IFT25: variants seen among roughly 807,000 people sequenced by gnomAD.
IFT25 encodes intraflagellar transport protein 25 homolog.
chr1:53,916,776 C>T, the IFT25 span: 1 of 389,972 alleles, frequency 2.6e-6, no homozygotes, highest in Non-Finnish European at 4.5e-6. Context: ...AATGACTACT[C>T]ACCTTCACAT....
the IFT25 span, among the ~76,000 whole-genome samples, chr1:53,924,172 A>C: frequency 6.6e-6 from 1 of 152,322 alleles, no homozygotes; most frequent in Non-Finnish European, 1.5e-5. Context: ...GTATAAGCAA[A>C]AGGAAATGCA....
the IFT25 span, among the ~76,000 whole-genome samples, chr1:53,938,314 A>G: frequency 6.6e-6 from 1 of 152,252 alleles, no homozygotes; most frequent in African/African-American, 2.4e-5. Flanking sequence ...TTTGACTCAT[A>G]GAAATAGTCT....
chr1:53,932,270 G>A, the IFT25 span, among the ~76,000 whole-genome samples: 1 of 151,256 alleles, frequency 6.6e-6, no homozygotes, highest in African/African-American at 2.4e-5. Flanking sequence ...GGAGGCAGAA[G>A]TTGCCATGAG....
chr1:53,921,537 A>G, the IFT25 span: 1 of 708,268 alleles, frequency 1.4e-6, no homozygotes, highest in Non-Finnish European at 2.5e-6. Flanking sequence ...TATTGAAAAG[A>G]ATGTAAATAA....
chr1:53,944,503 G>A, the IFT25 span, among the ~76,000 whole-genome samples: 4 of 152,180 alleles, frequency 2.6e-5, no homozygotes, highest in African/African-American at 4.8e-5. Context: ...AAATTAGCTG[G>A]GTGTGGTGGC....
chr1:53,915,609 T>C, the IFT25 span, among the ~76,000 whole-genome samples: 1 of 152,186 alleles, frequency 6.6e-6, no homozygotes, highest in Non-Finnish European at 1.5e-5. Flanking sequence ...AGATTTAATG[T>C]GTTTGTCTTG....
At chr1:53,926,504 CCAT>C in the IFT25 span, among the ~76,000 whole-genome samples, 8 of 152,168 alleles carry the variant, frequency 5.3e-5, no homozygotes, top group Admixed American at 3.9e-4. Context: ...CATAATACCA[CCAT>C]CATAACATTA....
chr1:53,913,221 C>CCG, the IFT25 span, among the ~76,000 whole-genome samples: 2 of 152,196 alleles, frequency 1.3e-5, no homozygotes, highest in Non-Finnish European at 2.9e-5. Context: ...GTCTACTTCT[C>CCG]CGGTGCCAGT....
the IFT25 span, among the ~76,000 whole-genome samples, chr1:53,924,972 G>C: frequency 6.6e-6 from 1 of 152,248 alleles, no homozygotes; most frequent in Admixed American, 6.5e-5. Flanking sequence ...ACCCTTTTCT[G>C]AAATAATGAA....
At chr1:53,942,342 C>T in the IFT25 span, among the ~76,000 whole-genome samples, 1 of 152,060 alleles carries the variant, frequency 6.6e-6, no homozygotes, top group Non-Finnish European at 1.5e-5. Flanking sequence ...GCTAAAAATG[C>T]GTTTAACATT....
the IFT25 span, among the ~76,000 whole-genome samples, chr1:53,925,947 C>T: frequency 6.6e-6 from 1 of 151,222 alleles, no homozygotes; most frequent in Admixed American, 6.6e-5. Flanking sequence ...ACCAAAAATA[C>T]AAAAATTAGC....
At chr1:53,918,933 G>A in the IFT25 span, among the ~76,000 whole-genome samples, 1 of 152,072 alleles carries the variant, frequency 6.6e-6, no homozygotes, top group Admixed American at 6.5e-5. Flanking sequence ...CTGCTTCTCA[G>A]GTTCAAGTAA....
At chr1:53,913,774 G>A in the IFT25 span, among the ~76,000 whole-genome samples, 2 of 152,132 alleles carry the variant, frequency 1.3e-5, no homozygotes, top group African/African-American at 4.8e-5. Context: ...GTGTGGCCTT[G>A]ATAAGACAGG....
the IFT25 span, among the ~76,000 whole-genome samples, chr1:53,919,554 A>G: frequency 2.6e-5 from 4 of 152,222 alleles, no homozygotes; most frequent in African/African-American, 7.2e-5. Flanking sequence ...CAAGCCAGAA[A>G]AAAACTGCCA....
chr1:53,913,975 T>C, the IFT25 span, among the ~76,000 whole-genome samples: 9 of 152,242 alleles, frequency 5.9e-5, no homozygotes, highest in Non-Finnish European at 1.3e-4. Flanking sequence ...TTGTTTCAGC[T>C]ACCCAGTTTA....
chr1:53,926,153 T>A, the IFT25 span, among the ~76,000 whole-genome samples: 2 of 152,072 alleles, frequency 1.3e-5, no homozygotes, highest in Admixed American at 1.3e-4. Context: ...TAAATACTTT[T>A]TTGTTCTTTT....
the IFT25 span, among the ~76,000 whole-genome samples, chr1:53,942,209 G>A: frequency 6.6e-6 from 1 of 152,222 alleles, no homozygotes; most frequent in South Asian, 2.1e-4. Flanking sequence ...AAGGATAAAA[G>A]TAAAAACCTA....
chr1:53,914,893 C>T, the IFT25 span, among the ~76,000 whole-genome samples: 1 of 152,190 alleles, frequency 6.6e-6, no homozygotes, highest in Non-Finnish European at 1.5e-5. Context: ...GTGATAAACA[C>T]AATTTTCATT....
At chr1:53,928,266 A>C in the IFT25 span, 4 of 885,020 alleles carry the variant, frequency 4.5e-6, no homozygotes, top group Non-Finnish European at 7.2e-6. Flanking sequence ...CACAAGGATC[A>C]TTAAAGTCAT....
Sources: gnomAD v4.1 joint callset for allele counts (sites outside exome capture counted in the v4.1 genomes callset) on GRCh38, gnomAD v4.1.1 for gene constraint, MANE v1.5 for transcripts, NCBI Gene and HGNC (gene_info 2026-07-23, HGNC 2026-07-21) for gene names.